Variants in APBA2 observed in about 807,000 individuals in gnomAD.
The protein encoded by APBA2 is amyloid beta precursor protein binding family A member 2.
In APBA2, 30 loss-of-function variants were observed where a neutral mutation model predicts 75.0. That is an observed-to-expected ratio of 0.40 (90% CI 0.30 to 0.54). The LOEUF is 0.54. Among genes scored for constraint, APBA2 ranks in the 20% least tolerant of loss-of-function variants. The pLI is 0.49. For synonymous variants in APBA2, 444 were observed against 409.6 expected (o/e 1.08, Z -1.01); for missense variants, 801 against 1,016.1 (o/e 0.79, Z 2.88).
intron 1 of APBA2, among the ~76,000 whole-genome samples, chr15:28,920,181 G>C (rs1215444616): frequency 6.6e-6 from 1 of 152,230 alleles, no homozygotes; most frequent in Non-Finnish European, 1.5e-5. Context: ...GCTGAGAAGA[G>C]TGTGATTTCC....
chr15:28,985,161 G>T (rs181117827), intron 2 of APBA2, among the ~76,000 whole-genome samples: 244 of 152,286 alleles, frequency 1.6e-3, no homozygotes, highest in Non-Finnish European at 8.5e-4. Context: ...GCTCTGACTG[G>T]CTGGGAGAAG....
At chr15:29,090,857 C>G (rs968048005) in intron 6 of APBA2, among the ~76,000 whole-genome samples, 6 of 152,060 alleles carry the variant, frequency 3.9e-5, no homozygotes, top group Admixed American at 2.6e-4. Flanking sequence ...CCTTCCCAGC[C>G]CCACAGCCAG....
chr15:28,946,836 C>T (rs2035577837), intron 2 of APBA2, among the ~76,000 whole-genome samples: 2 of 152,216 alleles, frequency 1.3e-5, no homozygotes, highest in African/African-American at 2.4e-5. Flanking sequence ...GCCTCAGCCT[C>T]GCCAAGTGCT....
intron 2 of APBA2, among the ~76,000 whole-genome samples, chr15:28,931,086 G>A (rs2034539421): frequency 6.6e-6 from 1 of 152,214 alleles, no homozygotes; most frequent in African/African-American, 2.4e-5. Flanking sequence ...TCATGGTGAA[G>A]CCACCTCCCC....
At chr15:29,020,497 T>A (rs1353803716) in intron 3 of APBA2, among the ~76,000 whole-genome samples, 1 of 152,092 alleles carries the variant, frequency 6.6e-6, no homozygotes, top group East Asian at 1.9e-4. Context: ...AGTGACTTTT[T>A]TAAAAAATAT....
At chr15:29,045,103 C>CTCTCTCTCTCTCTT (rs57446098) in intron 3 of APBA2, among the ~76,000 whole-genome samples, 2,836 of 140,284 alleles carry the variant, frequency 0.02, 105 homozygotes, top group East Asian at 0.032. Context: ...CTCTCTCTCT[C>CTCTCTCTCTCTCTT]GTCTCGCACT....
Position 28,991,759 on chromosome 15 carries a change from C to T in APBA2, c.-94-3994C>T, listed in dbSNP as rs2038244704. ...TGCTCAGCACAGACCCCTTCCAACC[C>T]ATCCCAGGGCCTCTGCTCAGTGTGG... is the stretch of plus-strand genomic sequence containing the variant. On this transcript the variant is annotated intron_variant, in intron 2 of 14. Coordinates refer to ENST00000683413, the MANE Select transcript of APBA2 (RefSeq NM_001353788.2). This position sits in a 1 kb window ranked among gnomAD's most constrained non-coding sequence, Gnocchi z 4.7. Among the ~76,000 whole-genome samples, 1 of 152,176 alleles carries T rather than the reference C, an allele frequency of 6.6e-6. No homozygotes were observed. Among genetic ancestry groups the T allele is most frequent in the Non-Finnish European group, 1.5e-5 (1 of 68,038 alleles).
At chr15:28,923,652 T>A (rs1205157032) in intron 2 of APBA2, among the ~76,000 whole-genome samples, 1 of 152,062 alleles carries the variant, frequency 6.6e-6, no homozygotes, top group Admixed American at 6.5e-5. Flanking sequence ...CCTCTTCTCA[T>A]ATGGAACACG....
At chr15:29,107,487 T>G (rs759534890) in intron 12 of APBA2, among the ~76,000 whole-genome samples, 4 of 152,192 alleles carry the variant, frequency 2.6e-5, no homozygotes, top group Admixed American at 6.5e-5. Flanking sequence ...TGCTGTGGTC[T>G]TGGTGCTGGA....
At chr15:29,064,153 C>T (rs888502924) in intron 4 of APBA2, among the ~76,000 whole-genome samples, 1 of 152,182 alleles carries the variant, frequency 6.6e-6, no homozygotes, top group Non-Finnish European at 1.5e-5. Flanking sequence ...CTGAGAAGCC[C>T]ACACACCTCT....
intron 2 of APBA2, among the ~76,000 whole-genome samples, chr15:28,961,860 A>G (rs2036491399): frequency 6.6e-6 from 1 of 152,168 alleles, no homozygotes; most frequent in Non-Finnish European, 1.5e-5. Flanking sequence ...ATATTTTTAA[A>G]TGAAGTGATA....
intron 9 of APBA2, among the ~76,000 whole-genome samples, chr15:29,099,744 A>G (rs532134041): frequency 6.6e-6 from 1 of 152,286 alleles, no homozygotes; most frequent in South Asian, 2.1e-4. Context: ...GCCAGTGTAC[A>G]TGGAGGGTGC....
chr15:29,055,131 C>T (rs942031280), intron 4 of APBA2, among the ~76,000 whole-genome samples: 8 of 152,292 alleles, frequency 5.3e-5, no homozygotes, highest in Admixed American at 5.2e-4. Flanking sequence ...CGATTTCTTG[C>T]CCACTGCCCT....
Position 29,058,639 on chromosome 15 carries a change from C to G in APBA2, c.951+3804C>G, listed in dbSNP as rs979742887. ...GGCTCCAGTTTGCAGGGAGCCCTCC[C>G]ACCTGTGCCACTCTGCTGAGACCAA... On this transcript the variant is annotated intron_variant, in intron 4 of 14. Transcript: ENST00000683413. Among the ~76,000 whole-genome samples, 4 of 152,268 alleles carry G rather than the reference C, an allele frequency of 2.6e-5. 1 individual carries two copies. Among genetic ancestry groups the G allele is most frequent in the Admixed American group, 2.0e-4 (3 of 15,302 alleles).
At chr15:28,901,308 C>T (rs1246917651) in intron 1 of APBA2, among the ~76,000 whole-genome samples, 1 of 152,144 alleles carries the variant, frequency 6.6e-6, no homozygotes, top group Non-Finnish European at 1.5e-5. Flanking sequence ...CCACCCAGCT[C>T]TGGGGTTTGG....
intron 1 of APBA2, among the ~76,000 whole-genome samples, chr15:28,899,899 G>GA (rs1271899955): frequency 1.2e-4 from 18 of 152,292 alleles, no homozygotes; most frequent in Admixed American, 9.2e-4. Context: ...AATATACTAT[G>GA]AAAAAACCAG....
intron 2 of APBA2, among the ~76,000 whole-genome samples, chr15:28,951,719 G>A (rs144149799): frequency 0.021 from 3,193 of 152,042 alleles, 113 homozygotes; most frequent in East Asian, 0.14. Context: ...CTAGTAGCTG[G>A]GACTACAGGC....
chr15:29,010,782 C>G (rs182694839), intron 3 of APBA2, among the ~76,000 whole-genome samples: 8 of 152,168 alleles, frequency 5.3e-5, no homozygotes, highest in Admixed American at 2.6e-4. Context: ...TTCTTGTTTT[C>G]TAATATATGA....
intron 3 of APBA2, among the ~76,000 whole-genome samples, chr15:29,031,564 G>A (rs774258206): frequency 2.0e-4 from 31 of 152,162 alleles, no homozygotes; most frequent in Admixed American, 4.6e-4. Context: ...CTGCCTCCCC[G>A]GTTCAAGTGA....
Sources: gnomAD v4.1 joint callset for allele counts (sites outside exome capture counted in the v4.1 genomes callset) on GRCh38, gnomAD v4.1.1 for gene constraint, Gnocchi (gnomAD v3.1) non-coding constraint, MANE v1.5 for transcripts, NCBI Gene and HGNC (gene_info 2026-07-23, HGNC 2026-07-21) for gene names.